Variants in SGCZ observed in about 807,000 individuals in gnomAD.
SGCZ encodes sarcoglycan zeta.
SGCZ carries 40 observed loss-of-function variants against 41.3 expected under a neutral mutation model. The observed-to-expected ratio is 0.97, with a 90% CI of 0.75 to 1.26. The LOEUF (loss-of-function observed/expected upper bound fraction) is 1.26, where lower values mean the gene tolerates loss of function less well. Ranked by LOEUF, SGCZ falls within the 50% of genes most tolerant of loss-of-function variation. The pLI is 0.00. For missense variants in SGCZ, 552 were observed against 369.8 expected (o/e 1.49, Z -4.04); for synonymous variants, 206 against 137.5 (o/e 1.50, Z -3.49).
chr8:14,758,388 G>A (rs1002430555), intron 1 of SGCZ, among the ~76,000 whole-genome samples: 2 of 152,038 alleles, frequency 1.3e-5, no homozygotes, highest in African/African-American at 4.8e-5. Context: ...AACCAAGTCA[G>A]CTTCTTTTTT....
At chr8:14,970,585 G>C (rs1270102864) in intron 1 of SGCZ, among the ~76,000 whole-genome samples, 1 of 152,068 alleles carries the variant, frequency 6.6e-6, no homozygotes, top group Non-Finnish European at 1.5e-5. Flanking sequence ...AATTACCTTT[G>C]TATTTCTGCT....
intron 1 of SGCZ, among the ~76,000 whole-genome samples, chr8:14,724,746 G>T (rs941573949): frequency 5.3e-5 from 8 of 151,462 alleles, no homozygotes; most frequent in African/African-American, 1.7e-4. Context: ...ATATTTATGG[G>T]ATACATTTGC....
At chr8:14,190,639 G>A (rs949399393) in intron 4 of SGCZ, among the ~76,000 whole-genome samples, 1 of 151,936 alleles carries the variant, frequency 6.6e-6, no homozygotes, top group African/African-American at 2.4e-5. Flanking sequence ...GTCTCGCTCT[G>A]TCGCCCAGGC....
chr8:14,412,333 G>C (rs13252747), intron 2 of SGCZ, among the ~76,000 whole-genome samples: 47,976 of 151,682 alleles, frequency 0.32, 7,649 homozygotes, highest in Admixed American at 0.36. Flanking sequence ...AGTAGACTGT[G>C]ACACATAGTT....
chr8:14,396,225 A>G lies in SGCZ; in HGVS notation c.235-72021T>C, dbSNP rs150793495. On this transcript the variant is annotated intron_variant, in intron 2 of 7. Transcript: ENST00000382080. ...ATATCTGCTTCTTATTTTAGTTCCT[A>G]CGCAATATACTTTCAATTTAGTGTA... 1.1e-4 allele frequency among the ~76,000 whole-genome samples: 16 copies of G among 152,310 alleles called. No individual in the cohort carries two copies. The East Asian group carries it at 3.1e-3, about 29-fold the overall frequency.
At chr8:14,515,553 A>C (rs560896112) in intron 2 of SGCZ, among the ~76,000 whole-genome samples, 1 of 151,326 alleles carries the variant, frequency 6.6e-6, no homozygotes, top group Non-Finnish European at 1.5e-5. Flanking sequence ...AATAGATGTA[A>C]TTTGTCTTGT....
chr8:15,037,634 C>A (rs1299810268), intron 1 of SGCZ, among the ~76,000 whole-genome samples: 5 of 152,084 alleles, frequency 3.3e-5, no homozygotes, highest in African/African-American at 7.2e-5. Flanking sequence ...AGAAATTACA[C>A]AAGAGAAACA....
intron 3 of SGCZ, among the ~76,000 whole-genome samples, chr8:14,244,652 G>A (rs1398274954): frequency 6.6e-6 from 1 of 151,366 alleles, no homozygotes; most frequent in Non-Finnish European, 1.5e-5. Flanking sequence ...AGCTTGATGG[G>A]GATGGCATAG....
At chr8:14,633,385 T>C (rs779063033) in intron 1 of SGCZ, among the ~76,000 whole-genome samples, 2 of 151,954 alleles carry the variant, frequency 1.3e-5, no homozygotes, top group African/African-American at 4.8e-5. Flanking sequence ...TTCTCTAAAA[T>C]AGACATAGTA....
intron 2 of SGCZ, 134 bp downstream of exon 2, chr8:14,554,598 T>G (rs1022783807): frequency 1.3e-6 from 1 of 744,818 alleles, no homozygotes; most frequent in African/African-American, 1.8e-5. Context: ...AATAAAATAT[T>G]ATTTTCTTTG....
intron 1 of SGCZ, among the ~76,000 whole-genome samples, chr8:14,800,229 GA>G (rs1158281268): frequency 6.6e-6 from 1 of 151,922 alleles, no homozygotes; most frequent in African/African-American, 2.4e-5. Context: ...ATGTGTTTAG[GA>G]AAAATCAGGT....
chr8:14,682,596 G>A (rs1000345262), intron 1 of SGCZ, among the ~76,000 whole-genome samples: 19 of 151,864 alleles, frequency 1.3e-4, no homozygotes, highest in Admixed American at 1.1e-3. Flanking sequence ...CACCACGCCC[G>A]GCTAATTTTT....
At chr8:14,201,793 T>C (rs1805464314) in intron 4 of SGCZ, among the ~76,000 whole-genome samples, 1 of 152,162 alleles carries the variant, frequency 6.6e-6, no homozygotes. Context: ...CAGACTCTTG[T>C]AAAAATGTGT....
intron 1 of SGCZ, among the ~76,000 whole-genome samples, chr8:15,204,609 G>A (rs187898232): frequency 6.6e-6 from 1 of 151,990 alleles, no homozygotes. Context: ...CTTCCTTTGC[G>A]ACTCTCATAG....
chr8:15,082,089 C>T (rs749134028), intron 1 of SGCZ, among the ~76,000 whole-genome samples: 1 of 151,968 alleles, frequency 6.6e-6, no homozygotes, highest in African/African-American at 2.4e-5. Context: ...ATTAGCTGGG[C>T]ATGATCGCGG....
At chr8:14,202,726 T>G (rs766844028) in intron 4 of SGCZ, among the ~76,000 whole-genome samples, 1 of 152,180 alleles carries the variant, frequency 6.6e-6, no homozygotes, top group Non-Finnish European at 1.5e-5. Context: ...GAATTCTTTT[T>G]TGTGGGTGTT....
intron 1 of SGCZ, among the ~76,000 whole-genome samples, chr8:14,751,917 G>A (rs1212139630): frequency 1.3e-5 from 2 of 150,094 alleles, no homozygotes; most frequent in African/African-American, 4.9e-5. Flanking sequence ...GGGCTACAGA[G>A]TGAGACTCCG....
intron 1 of SGCZ, among the ~76,000 whole-genome samples, chr8:15,056,900 G>A (rs1162506438): frequency 6.6e-6 from 1 of 152,090 alleles, no homozygotes; most frequent in Non-Finnish European, 1.5e-5. Context: ...TCACCGTTCT[G>A]ACAGGCAAGG....
At position 14,365,379 on chromosome 8, in the gene SGCZ, G is replaced by A. The variant is rs369526915; in HGVS notation, c.235-41175C>T. 8.5e-5 allele frequency among the ~76,000 whole-genome samples: 13 copies of A among 152,122 alleles called. No individual in the cohort carries two copies. In the East Asian group the frequency reaches 2.5e-3, roughly 29 times the overall value. On this transcript the variant is annotated intron_variant, in intron 2 of 7. Coordinates refer to ENST00000382080, the MANE Select transcript of SGCZ (RefSeq NM_139167.4). ...CATTTTGCTTTATTCATTGAACAAT[G>A]CCTTCAGTCCCTCTAAACTCAGTCA... is the stretch of plus-strand genomic sequence containing the variant.
Sources: allele counts gnomAD v4.1 joint callset (sites outside exome capture counted in the v4.1 genomes callset), GRCh38; gene constraint gnomAD v4.1.1; transcripts MANE v1.5; gene names NCBI Gene and HGNC (gene_info 2026-07-23, HGNC 2026-07-21).